Variants in TTC29 observed in about 807,000 individuals in gnomAD.
TTC29 encodes the protein tetratricopeptide repeat domain 29, also known as tetratricopeptide repeat protein 29.
TTC29 carries 49 observed loss-of-function variants against 58.1 expected under a neutral mutation model. That is an observed-to-expected ratio of 0.84 (90% confidence interval 0.67 to 1.07). TTC29 has a LOEUF of 1.07. Among genes scored for constraint, TTC29 ranks in the 50% least tolerant of loss-of-function variants. The pLI, the probability that TTC29 is intolerant of heterozygous loss-of-function variation, is 0.00. For missense variants in TTC29, 582 were observed against 555.6 expected, an observed-to-expected ratio of 1.05 and a Z score of -0.48; for synonymous variants, 209 against 196.8, an observed-to-expected ratio of 1.06 and a Z score of -0.52.
At chr4:146,945,182 TACA>T (rs1370326816) in intron 1 of TTC29, 105 bp from the exon 2 acceptor site, 1 of 152,228 alleles carries the variant, frequency 6.6e-6, no homozygotes, top group Non-Finnish European at 1.5e-5. Flanking sequence ...GATTCACTCT[TACA>T]ACAAATACTT....
chr4:146,939,434 G>A (rs1383172172), intron 3 of TTC29, among the ~76,000 whole-genome samples: 1 of 152,138 alleles, frequency 6.6e-6, no homozygotes, highest in Non-Finnish European at 1.5e-5. Context: ...CCGCCTAGGT[G>A]ACAGAGTAAG....
intron 7 of TTC29, among the ~76,000 whole-genome samples, chr4:146,869,406 C>T (rs78475560): frequency 0.061 from 9,250 of 152,198 alleles, 385 homozygotes; most frequent in Admixed American, 0.13. Context: ...CCTTCAAGAT[C>T]TCACTTTAGC....
chr4:146,865,857 T>C (rs1001673011), intron 8 of TTC29, among the ~76,000 whole-genome samples: 12 of 152,270 alleles, frequency 7.9e-5, no homozygotes, highest in African/African-American at 2.9e-4. Flanking sequence ...AAACATCACA[T>C]TGTACATCTT....
intron 8 of TTC29, among the ~76,000 whole-genome samples, chr4:146,839,535 C>CGTGT (rs5862775): frequency 0.06 from 8,401 of 140,476 alleles, 264 homozygotes; most frequent in African/African-American, 0.079. Context: ...TACATGAACT[C>CGTGT]GTGTGTGTGT....
rs182772220 is a variant in TTC29 at position 146,898,454 on chromosome 4, C to G, written c.586+5090G>C. Among the ~76,000 whole-genome samples, 5 of 152,298 alleles carry G rather than the reference C, an allele frequency of 3.3e-5. No individual in the cohort carries two copies. In the East Asian group the frequency reaches 9.6e-4, roughly 29 times the overall value. On this transcript the variant is annotated intron_variant, in intron 6 of 12. Coordinates refer to ENST00000325106, the MANE Select transcript of TTC29 (RefSeq NM_031956.4). ...AAGGATCTGAACTGAGCAAGCTAGTCAGGACAGCTGTTTCTTTCTTCAGAA... is the reference window on the plus strand; with the variant it reads ...AAGGATCTGAACTGAGCAAGCTAGTGAGGACAGCTGTTTCTTTCTTCAGAA...
At chr4:146,798,672 C>T (rs376724852) in intron 11 of TTC29, among the ~76,000 whole-genome samples, 3 of 151,704 alleles carry the variant, frequency 2.0e-5, no homozygotes, top group East Asian at 1.9e-4. Flanking sequence ...AGGTGGATCA[C>T]GAGGTCAGAT....
chr4:146,837,909 G>A (rs944049483), intron 8 of TTC29, among the ~76,000 whole-genome samples: 1 of 151,974 alleles, frequency 6.6e-6, no homozygotes, highest in African/African-American at 2.4e-5. Context: ...GCAAAAGACA[G>A]AGGAGAACAT....
At chr4:146,909,586 AC>A (rs1194952038) in intron 4 of TTC29, among the ~76,000 whole-genome samples, 1 of 151,824 alleles carries the variant, frequency 6.6e-6, no homozygotes, top group East Asian at 1.9e-4. Flanking sequence ...ACCAAAAAAA[AC>A]CTCAACAAGT....
At chr4:146,757,043 T>C (rs1746505092) in intron 11 of TTC29, among the ~76,000 whole-genome samples, 1 of 152,146 alleles carries the variant, frequency 6.6e-6, no homozygotes, top group Non-Finnish European at 1.5e-5. Flanking sequence ...AAATCAGGGA[T>C]TTCTTCTTGG....
chr4:146,765,413 A>G (rs1747230387), intron 11 of TTC29, among the ~76,000 whole-genome samples: 1 of 152,228 alleles, frequency 6.6e-6, no homozygotes, highest in Non-Finnish European at 1.5e-5. Context: ...ACCGGGTTTT[A>G]ATTTCTCGAA....
chr4:146,808,546 A>T (rs1212982666), intron 10 of TTC29, among the ~76,000 whole-genome samples: 1 of 152,232 alleles, frequency 6.6e-6, no homozygotes, highest in East Asian at 1.9e-4. Context: ...GCAAAGTCTC[A>T]GGATACAAAA....
intron 4 of TTC29, among the ~76,000 whole-genome samples, chr4:146,914,020 C>G (rs1367887428): frequency 6.6e-6 from 1 of 152,014 alleles, no homozygotes; most frequent in Non-Finnish European, 1.5e-5. Context: ...GCGCACATAC[C>G]TATGCATACA....
chr4:146,913,379 A>G (rs982834294), intron 4 of TTC29, among the ~76,000 whole-genome samples: 3 of 152,138 alleles, frequency 2.0e-5, no homozygotes, highest in African/African-American at 7.2e-5. Flanking sequence ...TGGAAGATGA[A>G]GGTGCTTTTG....
intron 8 of TTC29, among the ~76,000 whole-genome samples, chr4:146,841,339 T>A (rs1403277650): frequency 6.6e-6 from 1 of 152,156 alleles, no homozygotes; most frequent in African/African-American, 2.4e-5. Context: ...GGCACAGCAC[T>A]GTGCATGCAC....
intron 11 of TTC29, among the ~76,000 whole-genome samples, chr4:146,741,829 G>C (rs1019773770): frequency 1.3e-5 from 2 of 152,144 alleles, no homozygotes; most frequent in African/African-American, 4.8e-5. Context: ...CAACTTGAAA[G>C]CATTTCCATG....
chr4:146,742,478 C>T (rs537122818), intron 11 of TTC29, among the ~76,000 whole-genome samples: 29 of 152,204 alleles, frequency 1.9e-4, no homozygotes, highest in African/African-American at 3.4e-4. Context: ...CCAGTAAATA[C>T]GTCTAATAAT....
At chr4:146,844,867 G>A (rs893672856) in intron 8 of TTC29, among the ~76,000 whole-genome samples, 5 of 152,206 alleles carry the variant, frequency 3.3e-5, no homozygotes, top group African/African-American at 1.2e-4. Context: ...CTCTTAGAGA[G>A]TTCAGAGCAG....
rs1045811423 is a variant in TTC29 at position 146,769,260 on chromosome 4, C to T, written c.1330+34197G>A. ...TGTCAATCTTTTGCTGTAGTGATTG[C>T]GAATATTTTTGACTTTCCTTTTAGA... On this transcript the variant is annotated intron_variant, in intron 11 of 12. Coordinates refer to ENST00000325106, the MANE Select transcript of TTC29 (RefSeq NM_031956.4). 1.1e-4 allele frequency among the ~76,000 whole-genome samples: 17 copies of T among 151,784 alleles called. 1 individual carries two copies. The highest frequency in any genetic ancestry group is 1.9e-4 in the Non-Finnish European group (13 of 67,926).
chr4:146,779,856 C>T (rs751203401), intron 11 of TTC29, among the ~76,000 whole-genome samples: 2 of 152,022 alleles, frequency 1.3e-5, no homozygotes, highest in African/African-American at 2.4e-5. Flanking sequence ...TAGCTTGGAC[C>T]CACCAGCTAT....
Sources: allele counts gnomAD v4.1 joint callset (sites outside exome capture counted in the v4.1 genomes callset), GRCh38; gene constraint gnomAD v4.1.1; transcripts MANE v1.5; gene names NCBI Gene and HGNC (gene_info 2026-07-23, HGNC 2026-07-21).